The following NPAS3 variants were observed in gnomAD, a reference collection of about 807,000 sequenced individuals.
The protein encoded by NPAS3 is neuronal PAS domain protein 3.
In NPAS3, 14 loss-of-function variants were observed where a neutral mutation model predicts 73.1. The observed-to-expected ratio is 0.19, with a 90% CI of 0.13 to 0.30. The LOEUF (loss-of-function observed/expected upper bound fraction) is 0.30. Among genes scored for constraint, NPAS3 ranks in the 10% least tolerant of loss-of-function variants. The probability of loss-of-function intolerance (pLI) is 1.00; values close to 1 mark genes in which losing one functional copy is unlikely to be tolerated. For synonymous variants in NPAS3, 620 were observed against 541.5 expected (o/e 1.14, Z -2.01); for missense variants, 1,096 against 1,250.0 (o/e 0.88, Z 1.86).
At chr14:33,323,553 T>C (rs368564240) in intron 3 of NPAS3, among the ~76,000 whole-genome samples, 20 of 152,172 alleles carry the variant, frequency 1.3e-4, no homozygotes, top group African/African-American at 4.3e-4. Flanking sequence ...ATGTTTCTTA[T>C]AAAATTTTAA....
intron 6 of NPAS3, among the ~76,000 whole-genome samples, chr14:33,718,143 A>G (rs17101766): frequency 0.012 from 1,795 of 152,240 alleles, 38 homozygotes; most frequent in African/African-American, 0.04. Context: ...ATGTGGTTAT[A>G]AGAATAGCGT....
At chr14:33,116,226 A>C (rs555736107) in intron 2 of NPAS3, among the ~76,000 whole-genome samples, 1 of 152,084 alleles carries the variant, frequency 6.6e-6, no homozygotes, top group Admixed American at 6.6e-5. Flanking sequence ...CTCCCTACAT[A>C]ATTAGCTGAT....
intron 5 of NPAS3, among the ~76,000 whole-genome samples, chr14:33,637,700 T>C (rs1298649012): frequency 6.6e-6 from 1 of 152,258 alleles, no homozygotes; most frequent in Admixed American, 6.5e-5. Flanking sequence ...TTGCTGTTTT[T>C]TTCTTACTTT....
At chr14:33,265,491 A>T (rs1402228751) in intron 3 of NPAS3, among the ~76,000 whole-genome samples, 1 of 78,406 alleles carries the variant, frequency 1.3e-5, no homozygotes, top group Non-Finnish European at 2.9e-5. Context: ...TGGTAAGAGC[A>T]ATGCATTACA....
At chr14:33,134,285 T>G (rs1484186510) in intron 2 of NPAS3, among the ~76,000 whole-genome samples, 1 of 152,094 alleles carries the variant, frequency 6.6e-6, no homozygotes, top group Non-Finnish European at 1.5e-5. Context: ...AGGTTTTAAA[T>G]GACCTCTTTA....
intron 3 of NPAS3, among the ~76,000 whole-genome samples, chr14:33,271,660 A>G (rs1481821950): frequency 1.3e-5 from 2 of 152,118 alleles, no homozygotes; most frequent in African/African-American, 4.8e-5. Flanking sequence ...ACCTGATTTT[A>G]AAAAATTCCT....
intron 3 of NPAS3, among the ~76,000 whole-genome samples, chr14:33,348,022 G>A (rs1195298222): frequency 6.6e-6 from 1 of 152,174 alleles, no homozygotes; most frequent in African/African-American, 2.4e-5. Flanking sequence ...TGTTTCTCAA[G>A]AGTTCTTTTC....
At chr14:32,949,489 T>C (rs1420003387) in intron 1 of NPAS3, among the ~76,000 whole-genome samples, 1 of 152,044 alleles carries the variant, frequency 6.6e-6, no homozygotes, top group Admixed American at 6.6e-5. Context: ...GAAATACTTA[T>C]TGCTCTGATA....
intron 4 of NPAS3, among the ~76,000 whole-genome samples, chr14:33,392,173 C>T (rs2047036060): frequency 6.6e-6 from 1 of 152,162 alleles, no homozygotes; most frequent in Non-Finnish European, 1.5e-5. Context: ...ACATATTCTA[C>T]TTTTTATAGA....
At position 33,298,564 on chromosome 14, in the gene NPAS3, A is replaced by C. The variant is rs564285442; in HGVS notation, c.386-68622A>C. On this transcript the variant is annotated intron_variant, in intron 3 of 11. Transcript: ENST00000356141. ...ATAAATCAATATTTTCAGACCTAAA[A>C]TATGTTTATTTCTACCTCTTGCTAA... Among the ~76,000 whole-genome samples, 141 of 152,302 alleles carry C rather than the reference A, an allele frequency of 9.3e-4. 6 individuals are homozygous for C. In the South Asian group the frequency reaches 0.02, roughly 22 times the overall value.
At chr14:33,691,172 C>G (rs1397481768) in intron 6 of NPAS3, among the ~76,000 whole-genome samples, 6 of 152,184 alleles carry the variant, frequency 3.9e-5, no homozygotes, top group African/African-American at 1.4e-4. Context: ...TATTCACCAG[C>G]AGCTATATTT....
At chr14:33,186,124 A>G (rs1594338520) in intron 2 of NPAS3, among the ~76,000 whole-genome samples, 1 of 152,128 alleles carries the variant, frequency 6.6e-6, no homozygotes, top group Admixed American at 6.5e-5. Flanking sequence ...GTCACTCTTG[A>G]TCTTCATTTT....
chr14:33,728,294 T>C (rs1192865190), intron 6 of NPAS3, among the ~76,000 whole-genome samples: 1 of 152,142 alleles, frequency 6.6e-6, no homozygotes, highest in African/African-American at 2.4e-5. Flanking sequence ...GACTATTATT[T>C]TCATATTTTA....
At chr14:33,758,279 T>G (rs2062175918) in intron 7 of NPAS3, among the ~76,000 whole-genome samples, 1 of 152,230 alleles carries the variant, frequency 6.6e-6, no homozygotes, top group African/African-American at 2.4e-5. Flanking sequence ...TTGCTTATAA[T>G]AGTTCTCCAA....
At chr14:33,644,514 A>ATAAG (rs1488908407) in intron 5 of NPAS3, among the ~76,000 whole-genome samples, 1 of 152,190 alleles carries the variant, frequency 6.6e-6, no homozygotes, top group African/African-American at 2.4e-5. Context: ...TATCCTCAGC[A>ATAAG]TAAGTCACAT....
intron 2 of NPAS3, among the ~76,000 whole-genome samples, chr14:33,060,162 A>G (rs929825607): frequency 2.0e-5 from 3 of 152,218 alleles, no homozygotes; most frequent in African/African-American, 7.2e-5. Flanking sequence ...CACCTATATT[A>G]AGAAGAATAT....
chr14:33,087,590 A>C (rs2042080634), intron 2 of NPAS3, among the ~76,000 whole-genome samples: 1 of 152,178 alleles, frequency 6.6e-6, no homozygotes. Flanking sequence ...GAAATGACAA[A>C]TGGTTTTTAC....
intron 9 of NPAS3, among the ~76,000 whole-genome samples, chr14:33,784,849 C>G (rs2063119106): frequency 6.9e-6 from 1 of 145,246 alleles, no homozygotes; most frequent in African/African-American, 2.5e-5. Context: ...CTCCCGAGTT[C>G]AAGCAATTCT....
At chr14:32,976,370 A>G (rs1458711090) in intron 1 of NPAS3, among the ~76,000 whole-genome samples, 1 of 152,224 alleles carries the variant, frequency 6.6e-6, no homozygotes, top group African/African-American at 2.4e-5. Flanking sequence ...CAGAAAGGAA[A>G]TAATGAAACT....
Sources: gnomAD v4.1 joint callset for allele counts (sites outside exome capture counted in the v4.1 genomes callset) on GRCh38, gnomAD v4.1.1 for gene constraint, MANE v1.5 for transcripts, NCBI Gene and HGNC (gene_info 2026-07-23, HGNC 2026-07-21) for gene names.